Variants in DLG2 observed in about 807,000 individuals in gnomAD.
DLG2 encodes the protein discs large MAGUK scaffold protein 2.
DLG2 carries 45 observed loss-of-function variants against 132.5 expected under a neutral mutation model. The observed-to-expected ratio is 0.34, with a 90% CI of 0.27 to 0.44. The LOEUF (loss-of-function observed/expected upper bound fraction) is 0.44. DLG2 is among the 20% of genes least tolerant of loss of function. The pLI is 1.00. For synonymous variants in DLG2, 424 were observed against 419.6 expected (o/e 1.01, Z -0.13); for missense variants, 1,045 against 1,196.9 (o/e 0.87, Z 1.87).
At chr11:83,638,762 T>G (rs372916104) in intron 18 of DLG2, among the ~76,000 whole-genome samples, 54 of 152,250 alleles carry the variant, frequency 3.5e-4, no homozygotes, top group African/African-American at 1.2e-3. Flanking sequence ...CTCTCATAAG[T>G]TCATAGTGAC....
chr11:85,162,107 C>G (rs72961570), intron 4 of DLG2, among the ~76,000 whole-genome samples: 8,393 of 152,222 alleles, frequency 0.055, 359 homozygotes, highest in African/African-American at 0.11. Context: ...GCTCCTCCCA[C>G]TTTTAAGTCA....
At chr11:84,622,959 C>G (rs756310485) in intron 6 of DLG2, among the ~76,000 whole-genome samples, 1 of 152,098 alleles carries the variant, frequency 6.6e-6, no homozygotes, top group African/African-American at 2.4e-5. Flanking sequence ...TGTGCTATCC[C>G]TTACATCAAC....
chr11:84,225,575 T>C (rs910158420), intron 8 of DLG2, among the ~76,000 whole-genome samples: 3 of 152,206 alleles, frequency 2.0e-5, no homozygotes, highest in Non-Finnish European at 4.4e-5. Context: ...TGGACTCTCT[T>C]GCTATCAGTG....
At chr11:85,509,462 G>T (rs574081679) in intron 3 of DLG2, among the ~76,000 whole-genome samples, 5 of 151,996 alleles carry the variant, frequency 3.3e-5, no homozygotes, top group African/African-American at 1.2e-4. Context: ...GCTTGCAGAG[G>T]AGAGCAAGCA....
chr11:83,746,054 C>A (rs570532782), intron 18 of DLG2, among the ~76,000 whole-genome samples: 148 of 152,066 alleles, frequency 9.7e-4, no homozygotes, highest in African/African-American at 3.4e-3. Context: ...TTAGGATGGC[C>A]ATCATTAAAA....
chr11:83,945,938 T>G (rs1288263052), intron 14 of DLG2, among the ~76,000 whole-genome samples: 1 of 150,386 alleles, frequency 6.6e-6, no homozygotes, highest in African/African-American at 2.4e-5. Context: ...CCTTCCGTCC[T>G]TCCTTCCTTC....
intron 6 of DLG2, among the ~76,000 whole-genome samples, chr11:85,069,355 G>A (rs748837253): frequency 9.8e-4 from 149 of 152,230 alleles, no homozygotes; most frequent in Non-Finnish European, 1.3e-3. Flanking sequence ...TACCATCAGA[G>A]TGAACAGGCA....
intron 21 of DLG2, among the ~76,000 whole-genome samples, chr11:83,493,285 C>T (rs1368312244): frequency 6.6e-6 from 1 of 151,996 alleles, no homozygotes; most frequent in Non-Finnish European, 1.5e-5. Context: ...ACAGGCCTGT[C>T]TAAAATTGTG....
chr11:84,021,984 T>C (rs2095409613), intron 11 of DLG2, among the ~76,000 whole-genome samples: 2 of 152,224 alleles, frequency 1.3e-5, no homozygotes, highest in East Asian at 1.9e-4. Flanking sequence ...CAACCTCAGA[T>C]GATCTGCCCG....
intron 7 of DLG2, among the ~76,000 whole-genome samples, chr11:84,333,713 A>G (rs1430475376): frequency 1.3e-5 from 2 of 152,220 alleles, no homozygotes; most frequent in Non-Finnish European, 1.5e-5. Flanking sequence ...GTCTATGTTC[A>G]GTTTTACATT....
intron 9 of DLG2, among the ~76,000 whole-genome samples, chr11:84,139,497 GTAA>G (rs1265079174): frequency 1.3e-5 from 2 of 151,604 alleles, no homozygotes; most frequent in African/African-American, 4.8e-5. Flanking sequence ...TGGACTAGTA[GTAA>G]TAATAATAAT....
intron 6 of DLG2, among the ~76,000 whole-genome samples, chr11:85,010,953 A>T (rs1010860543): frequency 6.6e-6 from 1 of 152,270 alleles, no homozygotes; most frequent in East Asian, 1.9e-4. Flanking sequence ...TTATAAAAAG[A>T]TTTTACTTAC....
chr11:83,884,836 GGGTC>G (rs2067360536), intron 15 of DLG2, among the ~76,000 whole-genome samples: 1 of 152,220 alleles, frequency 6.6e-6, no homozygotes, highest in Non-Finnish European at 1.5e-5. Flanking sequence ...CAGGCAAACA[GGGTC>G]TGGAGTGGAC....
At chr11:84,975,358 C>T (rs572243199) in intron 6 of DLG2, among the ~76,000 whole-genome samples, 4 of 152,268 alleles carry the variant, frequency 2.6e-5, no homozygotes, top group Non-Finnish European at 4.4e-5. Context: ...GTCATAGTAT[C>T]AGCCTTCTTT....
intron 18 of DLG2, among the ~76,000 whole-genome samples, chr11:83,735,090 A>G (rs1210563045): frequency 6.6e-6 from 1 of 152,082 alleles, no homozygotes; most frequent in Non-Finnish European, 1.5e-5. Context: ...TTTAAAATAA[A>G]TATAATTATT....
chr11:85,378,705 A>T (rs1596669900), intron 3 of DLG2, among the ~76,000 whole-genome samples: 1 of 152,250 alleles, frequency 6.6e-6, no homozygotes, highest in East Asian at 1.9e-4. Flanking sequence ...CACCTCCTAA[A>T]TTCCTTTGTA....
intron 7 of DLG2, among the ~76,000 whole-genome samples, chr11:84,370,750 G>A (rs766778115): frequency 1.7e-4 from 26 of 152,138 alleles, no homozygotes; most frequent in Non-Finnish European, 2.8e-4. Context: ...TTATAGGTTC[G>A]TTATAGGCGT....
chr11:85,316,197 G>T (rs1294165043), intron 3 of DLG2, among the ~76,000 whole-genome samples: 1 of 151,842 alleles, frequency 6.6e-6, no homozygotes, highest in Admixed American at 6.6e-5. Flanking sequence ...CTATTTAACA[G>T]ATCACTGTTT....
At chr11:83,699,675 A>T (rs932984177) in intron 18 of DLG2, among the ~76,000 whole-genome samples, 2 of 151,362 alleles carry the variant, frequency 1.3e-5, no homozygotes, top group African/African-American at 4.8e-5. Flanking sequence ...ACGCCACTGC[A>T]CTCCAGCTTG....
Sources: allele counts gnomAD v4.1 joint callset (sites outside exome capture counted in the v4.1 genomes callset), GRCh38; gene constraint gnomAD v4.1.1; transcripts MANE v1.5; gene names NCBI Gene and HGNC (gene_info 2026-07-23, HGNC 2026-07-21).